GALNTL6: variants seen among roughly 807,000 people sequenced by gnomAD.
GALNTL6 encodes the protein polypeptide N-acetylgalactosaminyltransferase-like 6.
Under a neutral mutation model 73.7 loss-of-function variants are expected in GALNTL6, and 46 were observed. That is an observed-to-expected ratio of 0.62 (90% CI 0.49 to 0.80). GALNTL6 has a LOEUF of 0.80. Among genes scored for constraint, GALNTL6 ranks in the 30% least tolerant of loss-of-function variants. The probability of loss-of-function intolerance (pLI) is 0.00; values close to 1 mark genes in which losing one functional copy is unlikely to be tolerated. For missense variants in GALNTL6, 604 were observed against 755.0 expected (o/e 0.80, Z 2.34); for synonymous variants, 259 against 263.7 (o/e 0.98, Z 0.17).
intron 2 of GALNTL6, among the ~76,000 whole-genome samples, chr4:171,841,825 A>G (rs1735246306): frequency 6.6e-6 from 1 of 152,116 alleles, no homozygotes; most frequent in African/African-American, 2.4e-5. Context: ...TTAATTGAAA[A>G]AATAAAACTA....
At chr4:171,997,174 T>C (rs1740520101) in intron 2 of GALNTL6, among the ~76,000 whole-genome samples, 1 of 152,118 alleles carries the variant, frequency 6.6e-6, no homozygotes, top group South Asian at 2.1e-4. Flanking sequence ...GCAAATGACT[T>C]TCAGAGAGTT....
intron 9 of GALNTL6, among the ~76,000 whole-genome samples, chr4:172,948,151 G>A (rs547441351): frequency 6.6e-6 from 1 of 152,300 alleles, no homozygotes; most frequent in South Asian, 2.1e-4. Flanking sequence ...AGTAAATTCT[G>A]GAGAACAGGC....
intron 3 of GALNTL6, among the ~76,000 whole-genome samples, chr4:172,250,568 T>C (rs1174771095): frequency 6.6e-6 from 1 of 152,134 alleles, no homozygotes; most frequent in Non-Finnish European, 1.5e-5. Context: ...CCATAAGATC[T>C]GATGGTTTGT....
At chr4:172,559,938 T>C (rs533088873) in intron 5 of GALNTL6, among the ~76,000 whole-genome samples, 2 of 152,328 alleles carry the variant, frequency 1.3e-5, no homozygotes, top group East Asian at 3.9e-4. Context: ...AAGAAATAAA[T>C]TTTGCTATTC....
chr4:172,376,352 G>T (rs1743027946), intron 5 of GALNTL6, among the ~76,000 whole-genome samples: 1 of 152,136 alleles, frequency 6.6e-6, no homozygotes. Context: ...TTGCTTGGGT[G>T]ACATGCCTTT....
At chr4:172,620,830 T>TA (rs1738924584) in intron 5 of GALNTL6, among the ~76,000 whole-genome samples, 1 of 152,182 alleles carries the variant, frequency 6.6e-6, no homozygotes, top group Non-Finnish European at 1.5e-5. Flanking sequence ...TTCAAGGTAT[T>TA]TTCCACAGTC....
intron 3 of GALNTL6, among the ~76,000 whole-genome samples, chr4:172,258,389 ATCT>A (rs1200974111): frequency 6.6e-6 from 1 of 151,158 alleles, no homozygotes; most frequent in Non-Finnish European, 1.5e-5. Context: ...GTTTTATCTG[ATCT>A]TCTTCAGATT....
intron 5 of GALNTL6, among the ~76,000 whole-genome samples, chr4:172,524,011 A>G (rs1219282703): frequency 6.6e-6 from 1 of 152,060 alleles, no homozygotes; most frequent in Admixed American, 6.6e-5. Flanking sequence ...CAAAACAACC[A>G]CCAGTATAAG....
intron 5 of GALNTL6, among the ~76,000 whole-genome samples, chr4:172,499,979 C>T (rs890164753): frequency 6.6e-6 from 1 of 151,880 alleles, no homozygotes; most frequent in African/African-American, 2.4e-5. Flanking sequence ...AAAGAGAGGA[C>T]AGAGGGAATA....
chr4:172,654,530 G>T (rs1730880724), intron 5 of GALNTL6, among the ~76,000 whole-genome samples: 1 of 151,996 alleles, frequency 6.6e-6, no homozygotes, highest in Admixed American at 6.6e-5. Context: ...TACAAATATT[G>T]AATTACATGA....
At chr4:172,292,451 A>C (rs1250337175) in intron 3 of GALNTL6, among the ~76,000 whole-genome samples, 1 of 152,132 alleles carries the variant, frequency 6.6e-6, no homozygotes, top group Admixed American at 6.6e-5. Context: ...ATTCATACTG[A>C]TACAATCCAT....
At chr4:172,277,556 G>A (rs1158502526) in intron 3 of GALNTL6, among the ~76,000 whole-genome samples, 4 of 152,118 alleles carry the variant, frequency 2.6e-5, no homozygotes, top group African/African-American at 9.7e-5. Context: ...AACCTTGGAG[G>A]GGAAATGGAA....
At chr4:172,934,504 G>T (rs1222986922) in intron 9 of GALNTL6, among the ~76,000 whole-genome samples, 1 of 152,020 alleles carries the variant, frequency 6.6e-6, no homozygotes, top group African/African-American at 2.4e-5. Flanking sequence ...GCATCACTTT[G>T]TCATTTCCCA....
intron 2 of GALNTL6, among the ~76,000 whole-genome samples, chr4:172,034,143 T>C (rs1411235840): frequency 1.3e-5 from 2 of 152,114 alleles, no homozygotes; most frequent in Non-Finnish European, 2.9e-5. Flanking sequence ...ATCTAAGTTT[T>C]ATTCTATATG....
intron 2 of GALNTL6, among the ~76,000 whole-genome samples, chr4:171,961,420 T>G (rs1739214756): frequency 6.6e-6 from 1 of 152,154 alleles, no homozygotes; most frequent in African/African-American, 2.4e-5. Context: ...AACCCATGGC[T>G]GAGTTAGACT....
intron 2 of GALNTL6, among the ~76,000 whole-genome samples, chr4:172,003,993 A>G (rs1740753534): frequency 1.3e-5 from 2 of 152,152 alleles, no homozygotes; most frequent in Non-Finnish European, 2.9e-5. Flanking sequence ...GTGATCAGAG[A>G]ATATGAATCA....
chr4:172,445,369 T>C (rs1417998359), intron 5 of GALNTL6, among the ~76,000 whole-genome samples: 1 of 152,214 alleles, frequency 6.6e-6, no homozygotes. Context: ...TTTATCACTT[T>C]ATTATTCAAA....
intron 8 of GALNTL6, among the ~76,000 whole-genome samples, chr4:172,930,555 A>C (rs1311779279): frequency 3.9e-5 from 6 of 152,342 alleles, no homozygotes; most frequent in Admixed American, 3.9e-4. Flanking sequence ...ACAAATATCT[A>C]TATAAATAAG....
intron 10 of GALNTL6, among the ~76,000 whole-genome samples, chr4:172,998,456 A>G (rs1015587183): frequency 2.0e-5 from 3 of 152,168 alleles, no homozygotes; most frequent in African/African-American, 7.2e-5. Flanking sequence ...CAAAATGTTT[A>G]TTTTAATTCT....
Sources: gnomAD v4.1 joint callset for allele counts (sites outside exome capture counted in the v4.1 genomes callset) on GRCh38, gnomAD v4.1.1 for gene constraint, MANE v1.5 for transcripts, NCBI Gene and HGNC (gene_info 2026-07-23, HGNC 2026-07-21) for gene names.